IMMP2L: variants seen among roughly 807,000 people sequenced by gnomAD.
IMMP2L encodes the protein inner mitochondrial membrane peptidase subunit 2, also known as mitochondrial inner membrane protease subunit 2.
In IMMP2L, 18 loss-of-function variants were observed where a neutral mutation model predicts 19.3. The ratio of observed to expected loss-of-function variants is 0.93; its 90% CI spans 0.64 to 1.38. IMMP2L has a LOEUF of 1.38. Ranked by LOEUF, IMMP2L falls within the 40% of genes most tolerant of loss-of-function variation. IMMP2L has a pLI of 0.00. For synonymous variants in IMMP2L, 76 were observed against 73.0 expected (o/e 1.04, Z -0.21); for missense variants, 233 against 218.2 (o/e 1.07, Z -0.43).
intron 3 of IMMP2L, among the ~76,000 whole-genome samples, chr7:111,034,431 A>T (rs1791136991): frequency 6.6e-6 from 1 of 152,146 alleles, no homozygotes. Context: ...AAGAATTACG[A>T]ATGAGTTGCG....
intron 3 of IMMP2L, among the ~76,000 whole-genome samples, chr7:111,378,280 A>T (rs1456824459): frequency 6.6e-6 from 1 of 151,998 alleles, no homozygotes; most frequent in Non-Finnish European, 1.5e-5. Context: ...ATGTTTTCTG[A>T]TATGTGGATT....
chr7:111,342,808 G>A (rs1163932093), intron 3 of IMMP2L, among the ~76,000 whole-genome samples: 1 of 151,928 alleles, frequency 6.6e-6, no homozygotes, highest in Non-Finnish European at 1.5e-5. Context: ...TTTTGTAGTA[G>A]TAAGTATTCA....
intron 3 of IMMP2L, among the ~76,000 whole-genome samples, chr7:111,485,491 A>T (rs192397359): frequency 6.8e-6 from 1 of 148,090 alleles, no homozygotes; most frequent in Admixed American, 6.9e-5. Flanking sequence ...CCAACTACTC[A>T]GGAGGCTGAA....
chr7:111,009,035 C>T (rs1824622642), intron 3 of IMMP2L, among the ~76,000 whole-genome samples: 1 of 152,062 alleles, frequency 6.6e-6, no homozygotes, highest in African/African-American at 2.4e-5. Flanking sequence ...CCACAGGTCA[C>T]AGTCAGTATT....
chr7:111,273,422 T>A (rs1442027836), intron 3 of IMMP2L, among the ~76,000 whole-genome samples: 1 of 152,102 alleles, frequency 6.6e-6, no homozygotes, highest in Non-Finnish European at 1.5e-5. Context: ...ATAAGGAGGT[T>A]ACCATGAGCT....
Position 111,361,166 on chromosome 7 carries a change from T to C in IMMP2L, c.239+126072A>G, listed in dbSNP as rs1829224568. 2.0e-5 allele frequency among the ~76,000 whole-genome samples: 3 copies of C among 152,092 alleles called. No homozygotes were observed. In the South Asian group the frequency reaches 6.2e-4, roughly 31 times the overall value. ...TTAAATATAGCCAATTTTCTATATG[T>C]ACAAAATGCTAGGCAGCCTTCCTAT... On this transcript the variant is annotated intron_variant, in intron 3 of 5. Coordinates refer to ENST00000405709, the MANE Select transcript of IMMP2L (RefSeq NM_032549.4).
At chr7:110,990,073 A>T (rs1167180544) in intron 3 of IMMP2L, among the ~76,000 whole-genome samples, 2 of 152,166 alleles carry the variant, frequency 1.3e-5, no homozygotes, top group African/African-American at 4.8e-5. Flanking sequence ...AAAAGCACAA[A>T]GCAGCAACAG....
chr7:111,153,662 T>A (rs950445490), intron 3 of IMMP2L, among the ~76,000 whole-genome samples: 5 of 152,010 alleles, frequency 3.3e-5, no homozygotes, highest in African/African-American at 1.2e-4. Flanking sequence ...ATGATTAAAC[T>A]CTTAACAAAC....
intron 4 of IMMP2L, among the ~76,000 whole-genome samples, chr7:110,946,793 TCA>T (rs1471582182): frequency 1.4e-5 from 2 of 141,446 alleles, no homozygotes; most frequent in African/African-American, 2.7e-5. Flanking sequence ...CAATCTCGAC[TCA>T]CTGCAGGCTC....
chr7:110,954,825 G>A (rs1034076845), intron 4 of IMMP2L, among the ~76,000 whole-genome samples: 2 of 152,010 alleles, frequency 1.3e-5, no homozygotes, highest in Admixed American at 1.3e-4. Context: ...GACTAAGGTA[G>A]AAAATAAAAC....
chr7:111,139,544 G>T (rs1390356572), intron 3 of IMMP2L, among the ~76,000 whole-genome samples: 1 of 152,078 alleles, frequency 6.6e-6, no homozygotes, highest in Non-Finnish European at 1.5e-5. Flanking sequence ...TTTTAAAAAT[G>T]CTATAGCAAT....
chr7:111,114,342 G>A (rs529189922), intron 3 of IMMP2L, among the ~76,000 whole-genome samples: 1 of 152,068 alleles, frequency 6.6e-6, no homozygotes, highest in African/African-American at 2.4e-5. Flanking sequence ...CTGTTTGACA[G>A]ACACATAAAA....
intron 3 of IMMP2L, among the ~76,000 whole-genome samples, chr7:111,267,497 CAGGTCACTTACTGTG>C (rs1817956737): frequency 1.3e-5 from 2 of 152,082 alleles, no homozygotes; most frequent in African/African-American, 4.8e-5. Context: ...CTAGTCTCCC[CAGGTCACTTACTGTG>C]ATTATAAACA....
intron 5 of IMMP2L, among the ~76,000 whole-genome samples, chr7:110,843,743 A>G (rs1310869388): frequency 6.6e-6 from 1 of 152,186 alleles, no homozygotes; most frequent in Non-Finnish European, 1.5e-5. Flanking sequence ...TGTGATATGG[A>G]TAAGGGCCTT....
At chr7:111,457,558 C>G (rs114675082) in intron 3 of IMMP2L, among the ~76,000 whole-genome samples, 47 of 152,148 alleles carry the variant, frequency 3.1e-4, no homozygotes, top group African/African-American at 1.1e-3. Context: ...ATTTTACTGA[C>G]CTATAACTTA....
chr7:111,449,885 C>T (rs1235453375), intron 3 of IMMP2L, among the ~76,000 whole-genome samples: 1 of 128,210 alleles, frequency 7.8e-6, no homozygotes, highest in East Asian at 2.0e-4. Flanking sequence ...AATCAATGTA[C>T]AAGAATCACA....
intron 3 of IMMP2L, among the ~76,000 whole-genome samples, chr7:111,265,719 G>C (rs1262791456): frequency 6.6e-6 from 1 of 152,198 alleles, no homozygotes; most frequent in Non-Finnish European, 1.5e-5. Context: ...CAGAGTAGCA[G>C]AGTGAGATGA....
intron 3 of IMMP2L, among the ~76,000 whole-genome samples, chr7:111,337,144 C>T (rs780132497): frequency 1.3e-5 from 2 of 151,882 alleles, no homozygotes; most frequent in Non-Finnish European, 2.9e-5. Context: ...GATAAAAAAT[C>T]TATCTAATGC....
chr7:110,751,484 A>G (rs528042572), intron 5 of IMMP2L, among the ~76,000 whole-genome samples: 1 of 152,172 alleles, frequency 6.6e-6, no homozygotes, highest in South Asian at 2.1e-4. Context: ...AAGATGAAAC[A>G]TTCATAAAAA....
Sources: gnomAD v4.1 joint callset for allele counts (sites outside exome capture counted in the v4.1 genomes callset) on GRCh38, gnomAD v4.1.1 for gene constraint, MANE v1.5 for transcripts, NCBI Gene and HGNC (gene_info 2026-07-23, HGNC 2026-07-21) for gene names.